The following LIN7A variants were observed in gnomAD, a reference collection of about 807,000 sequenced individuals.
LIN7A encodes the protein protein lin-7 homolog A.
In LIN7A, 25 loss-of-function variants were observed where a neutral mutation model predicts 29.8. The ratio of observed to expected loss-of-function variants is 0.84; its 90% confidence interval spans 0.61 to 1.17. The LOEUF (loss-of-function observed/expected upper bound fraction) is 1.17. Among genes scored for constraint, LIN7A ranks in the 50% most tolerant of loss-of-function variants. LIN7A has a pLI of 0.00. For synonymous variants in LIN7A, 118 were observed against 107.5 expected, an observed-to-expected ratio of 1.10 and a Z score of -0.60; for missense variants, 239 against 287.0, an observed-to-expected ratio of 0.83 and a Z score of 1.21.
chr12:80,826,991 A>G (rs1872110249), intron 4 of LIN7A, among the ~76,000 whole-genome samples: 1 of 152,192 alleles, frequency 6.6e-6, no homozygotes, highest in South Asian at 2.1e-4. Context: ...AGCTAATCTG[A>G]AGAGGGCTGA....
At chr12:80,801,026 G>A (rs1336409663) in intron 5 of LIN7A, among the ~76,000 whole-genome samples, 1 of 151,318 alleles carries the variant, frequency 6.6e-6, no homozygotes, top group African/African-American at 2.4e-5. Context: ...TAAAAATCAG[G>A]TTATAATTTA....
At chr12:80,807,081 T>TTTTTTTTTTTTTTTTG (rs1871063991) in intron 5 of LIN7A, among the ~76,000 whole-genome samples, 1 of 135,582 alleles carries the variant, frequency 7.4e-6, no homozygotes, top group African/African-American at 2.9e-5. Context: ...TTTTTTTTTT[T>TTTTTTTTTTTTTTTTG]TTTTTTTTTT....
rs201919319 is a variant in LIN7A at position 80,878,504 on chromosome 12, GGTGA to G, written c.201+10743_201+10746del. 9.3e-3 allele frequency among the ~76,000 whole-genome samples: 1,408 copies of G among 152,208 alleles called. 13 individuals carry two copies. Among genetic ancestry groups the G allele is most frequent in the Admixed American group, 0.012 (181 of 15,300 alleles). On this transcript the variant is annotated intron_variant, in intron 2 of 5. Transcript: ENST00000552864. ...CAAGAATGAAGCCATGGACCTTTGC[GGTGA>G]GTGTGACAGCTCTTAAAGGTGGCAC... is the stretch of plus-strand genomic sequence containing the variant.
intron 1 of LIN7A, among the ~76,000 whole-genome samples, chr12:80,923,139 A>G (rs1364923892): frequency 2.0e-5 from 3 of 152,194 alleles, no homozygotes; most frequent in Admixed American, 6.5e-5. Flanking sequence ...AGAAAGGCGA[A>G]CTTGCACTCT....
intron 2 of LIN7A, among the ~76,000 whole-genome samples, chr12:80,888,672 T>A (rs982385391): frequency 1.4e-4 from 21 of 152,166 alleles, no homozygotes; most frequent in African/African-American, 4.3e-4. Context: ...TTAAATTCAT[T>A]AGTTGAATGG....
intron 3 of LIN7A, among the ~76,000 whole-genome samples, chr12:80,846,635 C>T (rs1023999238): frequency 3.9e-5 from 6 of 151,962 alleles, no homozygotes; most frequent in African/African-American, 1.4e-4. Context: ...GATTTTTCTT[C>T]CTATATTATA....
At chr12:80,887,743 G>A (rs1411173630) in intron 2 of LIN7A, among the ~76,000 whole-genome samples, 2 of 152,086 alleles carry the variant, frequency 1.3e-5, no homozygotes, top group South Asian at 2.1e-4. Flanking sequence ...TAGACTGTGA[G>A]TTCCATGGTG....
intron 2 of LIN7A, among the ~76,000 whole-genome samples, chr12:80,859,216 G>A (rs1439821594): frequency 6.6e-6 from 1 of 152,078 alleles, no homozygotes; most frequent in East Asian, 1.9e-4. Context: ...AGTTTGGGAG[G>A]TGAGAGATGT....
chr12:80,890,857 A>G (rs1213489846), intron 1 of LIN7A, among the ~76,000 whole-genome samples: 2 of 152,122 alleles, frequency 1.3e-5, no homozygotes, highest in Non-Finnish European at 2.9e-5. Flanking sequence ...TGATTGCACT[A>G]CTGGACTCCA....
chr12:80,890,349 A>G (rs1466723585), intron 1 of LIN7A, among the ~76,000 whole-genome samples: 1 of 152,102 alleles, frequency 6.6e-6, no homozygotes, highest in East Asian at 1.9e-4. Flanking sequence ...CTAAGTGCCT[A>G]GCTCCAGAAA....
At chr12:80,850,501 C>G (rs1225215261) in intron 2 of LIN7A, among the ~76,000 whole-genome samples, 1 of 152,088 alleles carries the variant, frequency 6.6e-6, no homozygotes, top group Admixed American at 6.6e-5. Flanking sequence ...TAGAATTGAT[C>G]AAGGGCTGTA....
intron 1 of LIN7A, among the ~76,000 whole-genome samples, chr12:80,912,774 T>C (rs1024405791): frequency 6.6e-6 from 1 of 151,284 alleles, no homozygotes; most frequent in Non-Finnish European, 1.5e-5. Context: ...ATATATGTTA[T>C]ACGTATGTTA....
intron 2 of LIN7A, among the ~76,000 whole-genome samples, chr12:80,871,297 C>A (rs1351504483): frequency 6.6e-6 from 1 of 152,154 alleles, no homozygotes; most frequent in Non-Finnish European, 1.5e-5. Flanking sequence ...TTGGAGTTAA[C>A]ACACAACATA....
At chr12:80,836,978 C>G (rs1008937126) in intron 4 of LIN7A, among the ~76,000 whole-genome samples, 2 of 147,702 alleles carry the variant, frequency 1.4e-5, no homozygotes, top group Non-Finnish European at 3.0e-5. Context: ...AGATGGGGGG[C>G]GGGGAAAGAA....
rs1211627735 is a variant in LIN7A at position 80,797,190 on chromosome 12, C to A, written c.*537G>T. 6.6e-6 allele frequency: 1 copy of A among 152,016 alleles called. No homozygotes were observed. The highest frequency in any genetic ancestry group is 1.9e-4 in the East Asian group (1 of 5,192). The allele number at this position is 152,016 out of a possible 1,614,324, so 9.4% of individuals were successfully genotyped here. A position where few individuals can be genotyped will look rare whatever the true frequency, so the allele number is the denominator to read the frequency against. On this transcript the variant is annotated 3_prime_UTR_variant, in exon 6 of 6. Coordinates refer to ENST00000552864, the MANE Select transcript of LIN7A (RefSeq NM_004664.4). Reference sequence around the variant, plus strand: ...AAGAAAATATAAATATAGTATGATACCTTGCGATTTTCAAGAGGAAAACAG... The same window carrying A: ...AAGAAAATATAAATATAGTATGATAACTTGCGATTTTCAAGAGGAAAACAG...
intron 4 of LIN7A, among the ~76,000 whole-genome samples, chr12:80,844,977 G>A (rs1040593504): frequency 3.3e-5 from 5 of 152,036 alleles, no homozygotes; most frequent in Admixed American, 6.6e-5. Flanking sequence ...GATGGTTCAC[G>A]CCTGTAATCC....
At chr12:80,848,398 A>G (rs891981254) in intron 2 of LIN7A, 76 bp from the exon 3 acceptor site, 11 of 1,127,338 alleles carry the variant, frequency 9.8e-6, no homozygotes, top group East Asian at 2.5e-5. Flanking sequence ...AAAGAAAATT[A>G]TATTTTCACT....
intron 2 of LIN7A, among the ~76,000 whole-genome samples, chr12:80,850,436 A>G (rs1194957985): frequency 1.3e-5 from 2 of 152,162 alleles, no homozygotes; most frequent in Non-Finnish European, 2.9e-5. Context: ...TTATTTGACC[A>G]TGGATCTTTT....
rs1005336291 is a variant in LIN7A, at chr12:80,805,318, G to A, written c.*6147C>T. 4.6e-5 allele frequency among the ~76,000 whole-genome samples: 7 copies of A among 152,064 alleles called. No individual in the cohort carries two copies. In the East Asian group the frequency reaches 1.4e-3, roughly 29 times the overall value. On this transcript the variant is annotated intron_variant, in intron 5 of 5. Transcript: ENST00000552864. ...GGATAGTTTTCGTAATAATTCCCTG[G>A]ATTAGATCATCAGGATCATGCATGT...
Sources: gnomAD v4.1 joint callset for allele counts (sites outside exome capture counted in the v4.1 genomes callset) on GRCh38, gnomAD v4.1.1 for gene constraint, MANE v1.5 for transcripts, NCBI Gene and HGNC (gene_info 2026-07-23, HGNC 2026-07-21) for gene names.